Variants in ZHX3 observed in about 807,000 individuals in gnomAD.
ZHX3 encodes zinc fingers and homeoboxes 3.
Under a neutral mutation model 64.5 loss-of-function variants are expected in ZHX3, and 20 were observed. The ratio of observed to expected loss-of-function variants is 0.31; its 90% CI spans 0.22 to 0.45. The LOEUF (loss-of-function observed/expected upper bound fraction) is 0.45. Ranked by LOEUF, ZHX3 falls within the 20% of genes least tolerant of loss-of-function variation. The pLI, the probability that ZHX3 is intolerant of heterozygous loss-of-function variation, is 1.00. For synonymous variants in ZHX3, 423 were observed against 461.6 expected (o/e 0.92, Z 1.07); for missense variants, 1,041 against 1,195.8 (o/e 0.87, Z 1.91).
chr20:41,257,428 G>A (rs577398623), intron 2 of ZHX3, among the ~76,000 whole-genome samples: 1 of 152,208 alleles, frequency 6.6e-6, no homozygotes, highest in Non-Finnish European at 1.5e-5. Flanking sequence ...TGAGCCTATA[G>A]GCAGCACTGT....
chr20:41,187,323 C>CAAAAAA, intron 3 of ZHX3, among the ~76,000 whole-genome samples: 1 of 77,470 alleles, frequency 1.3e-5, no homozygotes, highest in Non-Finnish European at 2.5e-5. Context: ...GAACCTGTCT[C>CAAAAAA]AAAAAAAAAA....
intron 3 of ZHX3, among the ~76,000 whole-genome samples, chr20:41,197,431 A>AT (rs1050385106): frequency 2.0e-5 from 3 of 147,514 alleles, no homozygotes; most frequent in African/African-American, 4.9e-5. Context: ...AAATATATAT[A>AT]TTTTTTTTCT....
intron 1 of ZHX3, among the ~76,000 whole-genome samples, chr20:41,269,866 C>G (rs967023369): frequency 6.6e-6 from 1 of 150,534 alleles, no homozygotes; most frequent in Non-Finnish European, 1.5e-5. Flanking sequence ...CATGAATGTA[C>G]ACATTTTTTT....
rs749350550 is a variant in ZHX3, at chr20:41,203,738, G to A, written c.1179C>T (p.Thr393=). The A allele has an allele frequency of 5.0e-6, 8 of 1,614,084 alleles. No individual in the cohort carries two copies. The African/African-American group carries it at 6.7e-5, about 13-fold the overall frequency. Residue 393 remains threonine, a synonymous_variant, in exon 3 of 4, where the codon ACC becomes ACT. Transcript: ENST00000683867. The surrounding 1 kb of genome is among the most constrained non-coding windows in gnomAD (Gnocchi z 7.1). ...CATTGCCAGCACTGGCGACGAGTGGGGTATTTAGAACCGTAATTGTGGGCT... is the reference window on the plus strand; with the variant it reads ...CATTGCCAGCACTGGCGACGAGTGGAGTATTTAGAACCGTAATTGTGGGCT... ...VPQPTITVLN[T]PLVASAGNVQ...
intron 1 of ZHX3, among the ~76,000 whole-genome samples, chr20:41,278,305 T>C (rs2043493375): frequency 7.3e-6 from 1 of 137,860 alleles, no homozygotes; most frequent in Admixed American, 7.3e-5. Flanking sequence ...ATTGTGCCAC[T>C]GTAACTCCAG....
At position 41,203,465 on chromosome 20, in the gene ZHX3, G is replaced by A. The variant is rs920459323; in HGVS notation, c.1452C>T (p.Pro484=). ...CAAGGAAGGCTTGGGAGGTTATGCT[G>A]GGGCAGGCCGTGAGGAGCGACTGGG... ...NAAQSLLTAC[P]SITSQAFLDA... is the part of the protein sequence containing the mutation. Residue 484 remains proline, a synonymous_variant, in exon 3 of 4, where the codon CCC becomes CCT. Transcript: ENST00000683867. The surrounding 1 kb of genome is among the most constrained non-coding windows in gnomAD (Gnocchi z 7.1). The A allele has an allele frequency of 1.9e-6, 3 of 1,614,052 alleles. No individual in the cohort carries two copies. In the African/African-American group the frequency reaches 4.0e-5, roughly 22 times the overall value.
intron 3 of ZHX3, among the ~76,000 whole-genome samples, chr20:41,198,801 G>A (rs145080524): frequency 1.1e-4 from 16 of 151,666 alleles, no homozygotes; most frequent in Non-Finnish European, 2.1e-4. Flanking sequence ...CTTTTTCTGC[G>A]ATTCCTATAT....
At chr20:41,205,098 C>A (rs1001323554) in intron 2 of ZHX3, 32 bp from the exon 3 acceptor site, 30 of 1,040,808 alleles carry the variant, frequency 2.9e-5, no homozygotes, top group Middle Eastern at 3.3e-4. Context: ...TGATTAAGTT[C>A]TCTTAAGTGC....
intron 1 of ZHX3, among the ~76,000 whole-genome samples, chr20:41,270,278 G>T (rs2043069416): frequency 6.6e-6 from 1 of 151,316 alleles, no homozygotes; most frequent in South Asian, 2.1e-4. Context: ...TACTCAGGGG[G>T]CTGAGGCAGA....
chr20:41,194,458 G>A (rs137867707), intron 3 of ZHX3, among the ~76,000 whole-genome samples: 272 of 152,266 alleles, frequency 1.8e-3, no homozygotes, highest in African/African-American at 6.2e-3. Flanking sequence ...TTAGTATGCT[G>A]CTGAATTTGG....
chr20:41,312,096 G>T (rs1226438079), intron 1 of ZHX3, among the ~76,000 whole-genome samples: 5 of 152,182 alleles, frequency 3.3e-5, no homozygotes, highest in African/African-American at 1.2e-4. Flanking sequence ...GGGTCGAGTG[G>T]GGACTTGGAG....
At chr20:41,229,617 G>T (rs2040473844) in intron 2 of ZHX3, among the ~76,000 whole-genome samples, 1 of 152,036 alleles carries the variant, frequency 6.6e-6, no homozygotes, top group Non-Finnish European at 1.5e-5. Context: ...GTGTGAGGCT[G>T]TATCTCACTG....
chr20:41,259,108 CT>C (rs1337435479), intron 2 of ZHX3, among the ~76,000 whole-genome samples: 1 of 152,080 alleles, frequency 6.6e-6, no homozygotes, highest in Non-Finnish European at 1.5e-5. Flanking sequence ...CCATATGAAC[CT>C]TTTTTCCTCT....
intron 2 of ZHX3, among the ~76,000 whole-genome samples, chr20:41,246,872 G>GA (rs754121889): frequency 2.2e-3 from 288 of 128,520 alleles, no homozygotes; most frequent in Non-Finnish European, 3.6e-3. Context: ...GACTCCATCT[G>GA]AAAAAAAAAA....
intron 1 of ZHX3, among the ~76,000 whole-genome samples, chr20:41,298,652 G>A (rs948494148): frequency 6.6e-6 from 1 of 152,190 alleles, no homozygotes; most frequent in African/African-American, 2.4e-5. Flanking sequence ...AGTTCCATGA[G>A]AGTGGGTGTC....
At chr20:41,297,590 G>A (rs1433920815) in intron 1 of ZHX3, among the ~76,000 whole-genome samples, 1 of 152,142 alleles carries the variant, frequency 6.6e-6, no homozygotes, top group Non-Finnish European at 1.5e-5. Flanking sequence ...CAAAACCAAA[G>A]GGTTGTGTTA....
At chr20:41,244,717 G>A (rs2041587929) in intron 2 of ZHX3, among the ~76,000 whole-genome samples, 1 of 152,078 alleles carries the variant, frequency 6.6e-6, no homozygotes, top group Non-Finnish European at 1.5e-5. Flanking sequence ...AGACAACCAG[G>A]GGGAATGCTA....
In ZHX3 at chr20:41,228,980, A is replaced by T. The variant is rs1261071650; in HGVS notation, c.-150-23914T>A. Among the ~76,000 whole-genome samples, 1 of 152,132 alleles carries T rather than the reference A, an allele frequency of 6.6e-6. No individual in the cohort carries two copies. Among genetic ancestry groups the T allele is most frequent in the Non-Finnish European group, 1.5e-5 (1 of 68,020 alleles). ...AGTAGCATTAAGTATTAACACAGTC[A>T]CATTGTTGTACAACCATCATCACCA... On this transcript the variant is annotated intron_variant, in intron 2 of 3. Coordinates refer to ENST00000683867, the MANE Select transcript of ZHX3 (RefSeq NM_001384317.1). The surrounding 1 kb of genome is among the most constrained non-coding windows in gnomAD (Gnocchi z 4.6).
chr20:41,249,934 A>G (rs899107950), intron 2 of ZHX3, among the ~76,000 whole-genome samples: 4 of 152,214 alleles, frequency 2.6e-5, no homozygotes, highest in Non-Finnish European at 5.9e-5. Context: ...CAACCTAGCA[A>G]CAGAGGGCAG....
Sources: gnomAD v4.1 joint callset for allele counts (sites outside exome capture counted in the v4.1 genomes callset) on GRCh38, gnomAD v4.1.1 for gene constraint, Gnocchi (gnomAD v3.1) non-coding constraint, MANE v1.5 for transcripts, NCBI Gene and HGNC (gene_info 2026-07-23, HGNC 2026-07-21) for gene names.